Variants in SYTL5 observed in about 807,000 individuals in gnomAD.
SYTL5 encodes synaptotagmin-like protein 5.
Under a neutral mutation model 55.9 loss-of-function variants are expected in SYTL5, and 34 were observed. That is an observed-to-expected ratio of 0.61 (90% CI 0.46 to 0.81). The LOEUF (loss-of-function observed/expected upper bound fraction) is 0.81, where lower values mean the gene tolerates loss of function less well. Ranked by LOEUF, SYTL5 falls within the 30% of genes least tolerant of loss-of-function variation. The pLI is 0.00. For missense variants in SYTL5, 637 were observed against 546.7 expected (o/e 1.17, Z -1.65); for synonymous variants, 221 against 188.7 (o/e 1.17, Z -1.40).
chrX:37,995,785 A>T, the SYTL5 span, among the ~76,000 whole-genome samples: 1 of 112,283 alleles, frequency 8.9e-6, no homozygotes, highest in Non-Finnish European at 1.9e-5. Flanking sequence ...AGATCTTGAC[A>T]TGTTGATTAA....
the SYTL5 span, among the ~76,000 whole-genome samples, chrX:37,901,333 A>C: frequency 2.7e-5 from 3 of 111,885 alleles, no homozygotes; most frequent in African/African-American, 9.7e-5. Context: ...AGGAAGAGGC[A>C]TTGATGCAGC....
At chrX:38,055,756 G>A (rs1935762551) in intron 3 of SYTL5, among the ~76,000 whole-genome samples, 1 of 111,800 alleles carries the variant, frequency 8.9e-6, no homozygotes, top group Non-Finnish European at 1.9e-5. Context: ...TCCCTGTACT[G>A]TTTCACAAAA....
At chrX:38,030,590 G>A (rs930411912) in intron 1 of SYTL5, among the ~76,000 whole-genome samples, 2 of 112,304 alleles carry the variant, frequency 1.8e-5, no homozygotes, top group African/African-American at 3.2e-5. Context: ...TCAAAGAAAG[G>A]AAAAATTCCA....
At chrX:37,909,801 A>G in the SYTL5 span, among the ~76,000 whole-genome samples, 1 of 109,911 alleles carries the variant, frequency 9.1e-6, no homozygotes, top group African/African-American at 3.3e-5. Context: ...CAGCCTCCCA[A>G]GTAGCTGGGA....
At chrX:38,119,550 G>T (rs926490926) in intron 13 of SYTL5, among the ~76,000 whole-genome samples, 2 of 112,376 alleles carry the variant, frequency 1.8e-5, no homozygotes, top group African/African-American at 6.5e-5. Context: ...TCCATCGTAT[G>T]AATGTACCAC....
At chrX:38,034,154 C>A in intron 2 of SYTL5, 146 bp downstream of exon 2, 1 of 301,812 alleles carries the variant, frequency 3.3e-6, no homozygotes, top group Non-Finnish European at 5.8e-6. Context: ...GCCCAAATAT[C>A]GGAAAACTTT....
chrX:38,107,775 A>T (rs964248822), intron 11 of SYTL5, among the ~76,000 whole-genome samples: 13 of 111,950 alleles, frequency 1.2e-4, no homozygotes, highest in Non-Finnish European at 2.1e-4. Context: ...AAATGAGTGG[A>T]TTTTGACTAC....
chrX:38,120,041 A>G (rs923746202), intron 13 of SYTL5, among the ~76,000 whole-genome samples: 3 of 112,178 alleles, frequency 2.7e-5, no homozygotes, highest in Admixed American at 9.5e-5. Context: ...ATATATGTAA[A>G]CTCAGTGATA....
the SYTL5 span, among the ~76,000 whole-genome samples, chrX:37,940,968 C>T: frequency 9.0e-6 from 1 of 110,878 alleles, no homozygotes; most frequent in Non-Finnish European, 1.9e-5. Flanking sequence ...CTAGGGCTTA[C>T]TGTAGAGGGA....
chrX:38,110,062 A>G (rs1937319423), intron 12 of SYTL5, among the ~76,000 whole-genome samples: 1 of 111,989 alleles, frequency 8.9e-6, no homozygotes, highest in African/African-American at 3.2e-5. Context: ...AACACTTTTT[A>G]TGCAGTATAT....
At chrX:38,053,804 A>G (rs911000796) in intron 2 of SYTL5, among the ~76,000 whole-genome samples, 4 of 112,298 alleles carry the variant, frequency 3.6e-5, no homozygotes, top group African/African-American at 1.3e-4. Flanking sequence ...ATCCTAGAGA[A>G]GTTACAGTAG....
At chrX:37,952,952 C>T in the SYTL5 span, among the ~76,000 whole-genome samples, 6 of 110,273 alleles carry the variant, frequency 5.4e-5, no homozygotes, top group African/African-American at 2.0e-4. Flanking sequence ...AGAATTTTAT[C>T]GTCAAAACCA....
chrX:37,977,338 G>A, the SYTL5 span, among the ~76,000 whole-genome samples: 1 of 110,772 alleles, frequency 9.0e-6, no homozygotes, highest in Non-Finnish European at 1.9e-5. Context: ...AAAACATTTT[G>A]TAGACATCAA....
intron 2 of SYTL5, among the ~76,000 whole-genome samples, chrX:38,038,509 C>A (rs1425757234): frequency 8.9e-6 from 1 of 112,132 alleles, no homozygotes; most frequent in African/African-American, 3.2e-5. Context: ...CTAGCTATTA[C>A]AATAGTTTTC....
the SYTL5 span, among the ~76,000 whole-genome samples, chrX:37,908,153 G>A: frequency 1.9e-3 from 210 of 109,396 alleles, no homozygotes; most frequent in African/African-American, 6.7e-3. Flanking sequence ...AATAGAGAAG[G>A]CTGACAGTAG....
chrX:38,080,181 C>T (rs1366220795), intron 6 of SYTL5, among the ~76,000 whole-genome samples: 1 of 110,800 alleles, frequency 9.0e-6, no homozygotes, highest in East Asian at 2.8e-4. Flanking sequence ...TAGGGAGGAG[C>T]ATGCACAGCT....
At chrX:38,103,354 A>G (rs781547864) in intron 10 of SYTL5, among the ~76,000 whole-genome samples, 10 of 112,112 alleles carry the variant, frequency 8.9e-5, no homozygotes, top group African/African-American at 3.2e-4. Flanking sequence ...GTAAACAACT[A>G]TTTTAAATCA....
the SYTL5 span, among the ~76,000 whole-genome samples, chrX:37,962,258 G>A: frequency 9.1e-6 from 1 of 110,447 alleles, no homozygotes; most frequent in East Asian, 2.8e-4. Flanking sequence ...GGTGTGTGAT[G>A]TTCCCCTTCC....
chrX:38,050,086 A>G (rs1234204190), intron 2 of SYTL5, among the ~76,000 whole-genome samples: 5 of 111,865 alleles, frequency 4.5e-5, no homozygotes, highest in African/African-American at 1.3e-4. Flanking sequence ...GATGTGCTCT[A>G]CTAGATGAGA....
Sources: gnomAD v4.1 joint callset for allele counts (sites outside exome capture counted in the v4.1 genomes callset) on GRCh38, gnomAD v4.1.1 for gene constraint, MANE v1.5 for transcripts, NCBI Gene and HGNC (gene_info 2026-07-23, HGNC 2026-07-21) for gene names.